The following NEGR1 variants were observed in gnomAD, a reference collection of about 807,000 sequenced individuals.
NEGR1 encodes neuronal growth regulator 1, also known as IgLON family member 4.
Under a neutral mutation model 40.9 loss-of-function variants are expected in NEGR1, and 10 were observed. The observed-to-expected ratio is 0.24, with a 90% CI of 0.15 to 0.42. The LOEUF (loss-of-function observed/expected upper bound fraction) is 0.42. Among genes scored for constraint, NEGR1 ranks in the 10% least tolerant of loss-of-function variants. NEGR1 has a pLI of 1.00. For missense variants in NEGR1, 352 were observed against 438.9 expected (o/e 0.80, Z 1.77); for synonymous variants, 185 against 166.8 (o/e 1.11, Z -0.84).
At chr1:71,649,650 T>G (rs1336234741) in intron 4 of NEGR1, among the ~76,000 whole-genome samples, 1 of 152,150 alleles carries the variant, frequency 6.6e-6, no homozygotes, top group African/African-American at 2.4e-5. Flanking sequence ...GGATGAATAT[T>G]ATTTTTCTCT....
At chr1:71,660,924 T>C (rs982569090) in intron 4 of NEGR1, among the ~76,000 whole-genome samples, 3 of 152,164 alleles carry the variant, frequency 2.0e-5, no homozygotes, top group Non-Finnish European at 4.4e-5. Flanking sequence ...TTGTTCAACT[T>C]CCACTTATGA....
chr1:71,997,432 T>A (rs985508101), intron 1 of NEGR1, among the ~76,000 whole-genome samples: 2 of 152,032 alleles, frequency 1.3e-5, no homozygotes, highest in African/African-American at 4.8e-5. Flanking sequence ...CAAGTACAAA[T>A]GTTATTTTTC....
At chr1:72,142,458 A>C (rs1308738211) in intron 1 of NEGR1, among the ~76,000 whole-genome samples, 1 of 151,868 alleles carries the variant, frequency 6.6e-6, no homozygotes, top group African/African-American at 2.4e-5. Flanking sequence ...TCTCATGACC[A>C]AGGCCACTTA....
intron 6 of NEGR1, among the ~76,000 whole-genome samples, chr1:71,460,708 T>C (rs1378603692): frequency 6.6e-6 from 1 of 152,100 alleles, no homozygotes; most frequent in African/African-American, 2.4e-5. Context: ...GATGGTGTGA[T>C]AAAGCAGGGA....
chr1:72,156,104 C>T (rs757350451), intron 1 of NEGR1, among the ~76,000 whole-genome samples: 4 of 150,630 alleles, frequency 2.7e-5, no homozygotes, highest in Non-Finnish European at 4.4e-5. Flanking sequence ...CATGATTCTT[C>T]TGGAAGAACG....
intron 2 of NEGR1, among the ~76,000 whole-genome samples, chr1:71,929,194 G>T (rs1417581564): frequency 6.6e-6 from 1 of 151,728 alleles, no homozygotes; most frequent in Non-Finnish European, 1.5e-5. Context: ...GACAATTTTG[G>T]GACACCTACT....
intron 3 of NEGR1, among the ~76,000 whole-genome samples, chr1:71,706,671 T>C (rs376560681): frequency 9.3e-5 from 14 of 151,274 alleles, no homozygotes; most frequent in Middle Eastern, 3.4e-3. Flanking sequence ...AACAGCAGAA[T>C]AGGGCATGGA....
At chr1:71,623,058 C>T (rs1394598207) in intron 4 of NEGR1, among the ~76,000 whole-genome samples, 1 of 151,730 alleles carries the variant, frequency 6.6e-6, no homozygotes, top group Non-Finnish European at 1.5e-5. Context: ...ATGAATAATT[C>T]ATTTTGCTAA....
chr1:71,418,566 C>T (rs1008625755), intron 6 of NEGR1, among the ~76,000 whole-genome samples: 13 of 152,034 alleles, frequency 8.6e-5, no homozygotes, highest in African/African-American at 2.4e-5. Flanking sequence ...GTTTACAATC[C>T]GTGCCTCTTT....
At chr1:71,987,473 G>A (rs576377946) in intron 1 of NEGR1, among the ~76,000 whole-genome samples, 20 of 152,210 alleles carry the variant, frequency 1.3e-4, no homozygotes, top group African/African-American at 4.1e-4. Flanking sequence ...AAATAACGCC[G>A]ACCAAATAGT....
intron 4 of NEGR1, among the ~76,000 whole-genome samples, chr1:71,658,028 A>G (rs1236564241): frequency 6.6e-6 from 1 of 152,192 alleles, no homozygotes; most frequent in Admixed American, 6.5e-5. Context: ...TAACAATTCA[A>G]ATGTCATCTC....
At chr1:72,145,857 A>C (rs1186066581) in intron 1 of NEGR1, among the ~76,000 whole-genome samples, 1 of 152,064 alleles carries the variant, frequency 6.6e-6, no homozygotes, top group East Asian at 1.9e-4. Flanking sequence ...TGACACTCCA[A>C]TTAGGGCTTC....
chr1:71,739,613 A>T (rs1655152720), intron 3 of NEGR1, among the ~76,000 whole-genome samples: 1 of 152,032 alleles, frequency 6.6e-6, no homozygotes, highest in Non-Finnish European at 1.5e-5. Flanking sequence ...TTGCACATTT[A>T]AAAAAAATTC....
intron 1 of NEGR1, among the ~76,000 whole-genome samples, chr1:72,004,968 C>T (rs1646593392): frequency 1.3e-5 from 2 of 152,108 alleles, no homozygotes. Flanking sequence ...TGTTACACAT[C>T]ACTATATTAA....
intron 1 of NEGR1, among the ~76,000 whole-genome samples, chr1:72,010,378 T>A (rs1234981240): frequency 2.0e-5 from 3 of 152,078 alleles, no homozygotes; most frequent in Non-Finnish European, 4.4e-5. Context: ...AGAGAACAAA[T>A]GGTGCCCATA....
intron 1 of NEGR1, among the ~76,000 whole-genome samples, chr1:72,065,143 T>C (rs751877288): frequency 2.0e-5 from 3 of 152,008 alleles, no homozygotes; most frequent in Admixed American, 1.3e-4. Flanking sequence ...ATAAGTGTAA[T>C]CATACAAGGC....
intron 1 of NEGR1, among the ~76,000 whole-genome samples, chr1:72,047,745 G>A (rs995970738): frequency 6.6e-6 from 1 of 151,336 alleles, no homozygotes; most frequent in Non-Finnish European, 1.5e-5. Context: ...TTAAACTTAA[G>A]AAATTATAGT....
intron 1 of NEGR1, among the ~76,000 whole-genome samples, chr1:72,012,877 AT>A (rs147414036): frequency 0.41 from 57,167 of 138,170 alleles, 12,355 homozygotes; most frequent in East Asian, 0.63. Flanking sequence ...ATATATATAT[AT>A]TTTTTTTTTT....
chr1:72,208,032 T>C (rs1339987071), intron 1 of NEGR1, among the ~76,000 whole-genome samples: 1 of 151,750 alleles, frequency 6.6e-6, no homozygotes, highest in Non-Finnish European at 1.5e-5. Context: ...ATTGTAAGAA[T>C]AATTCTGCAT....
Sources: allele counts gnomAD v4.1 joint callset (sites outside exome capture counted in the v4.1 genomes callset), GRCh38; gene constraint gnomAD v4.1.1; transcripts MANE v1.5; gene names NCBI Gene and HGNC (gene_info 2026-07-23, HGNC 2026-07-21).